UBR3: variants seen among roughly 807,000 people sequenced by gnomAD.
UBR3 encodes the protein E3 ubiquitin-protein ligase UBR3.
In UBR3, 85 loss-of-function variants were observed where a neutral mutation model predicts 243.2. That is an observed-to-expected ratio of 0.35 (90% CI 0.29 to 0.42). The LOEUF is 0.42. UBR3 is among the 10% of genes least tolerant of loss of function. UBR3 has a pLI of 1.00. For synonymous variants in UBR3, 748 were observed against 799.8 expected (o/e 0.94, Z 1.09); for missense variants, 1,686 against 2,300.8 (o/e 0.73, Z 5.47).
intron 6 of UBR3, among the ~76,000 whole-genome samples, chr2:169,892,167 A>G (rs912174955): frequency 6.6e-6 from 1 of 152,136 alleles, no homozygotes; most frequent in Non-Finnish European, 1.5e-5. Flanking sequence ...GGTTGCTAGG[A>G]AAGGGTATGG....
At chr2:169,966,643 T>A (rs1349438513) in intron 24 of UBR3, among the ~76,000 whole-genome samples, 51 of 152,218 alleles carry the variant, frequency 3.4e-4, no homozygotes, top group Admixed American at 3.3e-3. Flanking sequence ...GGTTTATAGC[T>A]CAGCCACACT....
chr2:169,892,224 T>C (rs1208932956), intron 6 of UBR3, among the ~76,000 whole-genome samples: 1 of 152,148 alleles, frequency 6.6e-6, no homozygotes, highest in African/African-American at 2.4e-5. Flanking sequence ...ATGTTCTCCT[T>C]TTTTCTGGCT....
chr2:169,956,339 T>G (rs895480591), intron 23 of UBR3, among the ~76,000 whole-genome samples: 2 of 151,276 alleles, frequency 1.3e-5, no homozygotes, highest in Non-Finnish European at 2.9e-5. Context: ...ATCAACTCCC[T>G]TATATATAAC....
At chr2:169,983,762 G>C (rs2105386069) in intron 24 of UBR3, among the ~76,000 whole-genome samples, 1 of 152,274 alleles carries the variant, frequency 6.6e-6, no homozygotes, top group East Asian at 1.9e-4. Flanking sequence ...CATTCAGATA[G>C]ATTCTTTTCT....
intron 25 of UBR3, among the ~76,000 whole-genome samples, chr2:169,987,982 T>C (rs1170043474): frequency 6.6e-6 from 1 of 152,226 alleles, no homozygotes; most frequent in Non-Finnish European, 1.5e-5. Context: ...ATATGATGCC[T>C]AGTAAATTCG....
At chr2:169,927,189 C>T in intron 16 of UBR3, 131 bp from the exon 17 acceptor site, 1 of 998,954 alleles carries the variant, frequency 1.0e-6, no homozygotes, top group South Asian at 1.8e-5. Flanking sequence ...ATGTTTGGAG[C>T]ATAGCTTCTT....
chr2:169,934,672 A>G (rs898309035), intron 19 of UBR3, among the ~76,000 whole-genome samples: 2 of 152,232 alleles, frequency 1.3e-5, no homozygotes, highest in African/African-American at 4.8e-5. Context: ...ACTAAAATGA[A>G]AAATGGTCAG....
intron 29 of UBR3, among the ~76,000 whole-genome samples, chr2:170,009,800 G>T (rs2090031056): frequency 6.6e-6 from 1 of 151,982 alleles, no homozygotes; most frequent in Non-Finnish European, 1.5e-5. Flanking sequence ...TTGAGTCAAG[G>T]TTTACTGTTT....
chr2:169,903,673 TGAG>T (rs1255276442), intron 8 of UBR3, among the ~76,000 whole-genome samples: 1 of 152,160 alleles, frequency 6.6e-6, no homozygotes, highest in Non-Finnish European at 1.5e-5. Flanking sequence ...TCCTGACTGA[TGAG>T]TATGACAGGT....
intron 1 of UBR3, among the ~76,000 whole-genome samples, chr2:169,861,442 T>C (rs531656113): frequency 6.6e-6 from 1 of 152,200 alleles, no homozygotes; most frequent in East Asian, 1.9e-4. Context: ...ACCCCGTCTC[T>C]ACTAAAATTA....
At chr2:169,930,396 A>AT (rs1440287855) in intron 18 of UBR3, among the ~76,000 whole-genome samples, 1 of 146,606 alleles carries the variant, frequency 6.8e-6, no homozygotes, top group African/African-American at 2.5e-5. Context: ...TTTTTTTGTT[A>AT]TTTTTTTGGA....
intron 24 of UBR3, among the ~76,000 whole-genome samples, chr2:169,975,711 G>A (rs751606992): frequency 6.6e-6 from 1 of 152,080 alleles, no homozygotes; most frequent in Non-Finnish European, 1.5e-5. Flanking sequence ...TACCCAGGAG[G>A]CTGAGATGGG....
In UBR3 at chr2:170,081,684, T is replaced by G. The variant is rs537458835; in HGVS notation, c.5550-42T>G. On this transcript the variant is annotated intron_variant, in intron 38 of 38. Transcript: ENST00000272793. Reference sequence around the variant, plus strand: ...GAAGAAAGAAATGCATGTGAAATCTTCCGTGTATGATATTAATACTTTTTT... The same window carrying G: ...GAAGAAAGAAATGCATGTGAAATCTGCCGTGTATGATATTAATACTTTTTT... 18 of 1,417,528 alleles carry G rather than the reference T, an allele frequency of 1.3e-5. No homozygotes were observed. The East Asian group carries it at 3.2e-4, about 25-fold the overall frequency. The allele number at this position is 1,417,528 out of a possible 1,614,324, so 87.8% of individuals were successfully genotyped here.
chr2:169,831,780 G>C (rs2081949356), intron 1 of UBR3, among the ~76,000 whole-genome samples: 1 of 152,142 alleles, frequency 6.6e-6, no homozygotes, highest in Admixed American at 6.5e-5. Flanking sequence ...GACTACACTG[G>C]CATGAACAGA....
intron 26 of UBR3, among the ~76,000 whole-genome samples, chr2:169,995,743 C>T (rs565097377): frequency 8.5e-5 from 13 of 152,138 alleles, no homozygotes; most frequent in African/African-American, 1.7e-4. Context: ...ATATCTGCTA[C>T]GACTTCTTAC....
At chr2:170,013,276 GA>G (rs1217014320) in intron 29 of UBR3, among the ~76,000 whole-genome samples, 1 of 151,110 alleles carries the variant, frequency 6.6e-6, no homozygotes, top group Non-Finnish European at 1.5e-5. Context: ...ATGAAACAAA[GA>G]AAAGTTGGTA....
At position 170,001,434 on chromosome 2, in the gene UBR3, T is replaced by G. The variant is rs777138127; in HGVS notation, c.4029+20T>G. 4 of 1,492,104 alleles carry G rather than the reference T, an allele frequency of 2.7e-6. No homozygotes were observed. The South Asian group carries it at 3.4e-5, about 13-fold the overall frequency. The allele number at this position is 1,492,104 out of a possible 1,614,324, so 92.4% of individuals were successfully genotyped here. The stretch of plus-strand genomic sequence containing the variant: ...TTACGGGTAAGTTGATTGCAAAAAT[T>G]TTTTAAAGGTGCATGTATCTTTCCA... On this transcript the variant is annotated intron_variant, in intron 27 of 38. Coordinates refer to ENST00000272793, the MANE Select transcript of UBR3 (RefSeq NM_172070.4).
chr2:170,066,966 A>AAATAAT (rs6147024), intron 35 of UBR3, among the ~76,000 whole-genome samples: 1,381 of 102,542 alleles, frequency 0.013, 20 homozygotes, highest in African/African-American at 0.033. Context: ...TCCGTCTCTA[A>AAATAAT]AATAATAATA....
rs1158777396 is a variant in UBR3 at position 169,872,513 on chromosome 2, T to C, written c.685+138T>C. 1.1e-5 allele frequency: 7 copies of C among 620,884 alleles called. No individual in the cohort carries two copies. The African/African-American group carries it at 1.3e-4, about 12-fold the overall frequency. 38.5% of individuals were successfully genotyped at this position (620,884 alleles called of 1,614,324 possible). On this transcript the variant is annotated intron_variant, in intron 2 of 38. Transcript: ENST00000272793. ...AAAAGAGATGACTATAAAATACGGATTGAATAGAAACACACTAAAAATTAA... is the reference window on the plus strand; with the variant it reads ...AAAAGAGATGACTATAAAATACGGACTGAATAGAAACACACTAAAAATTAA...
Sources: gnomAD v4.1 joint callset for allele counts (sites outside exome capture counted in the v4.1 genomes callset) on GRCh38, gnomAD v4.1.1 for gene constraint, MANE v1.5 for transcripts, NCBI Gene and HGNC (gene_info 2026-07-23, HGNC 2026-07-21) for gene names.